The following CSMD2 variants were observed in gnomAD, a reference collection of about 807,000 sequenced individuals.
CSMD2 encodes the protein CUB and sushi domain-containing protein 2.
In CSMD2, 130 loss-of-function variants were observed where a neutral mutation model predicts 398.5. The ratio of observed to expected loss-of-function variants is 0.33; its 90% CI spans 0.28 to 0.38. The LOEUF (loss-of-function observed/expected upper bound fraction) is 0.38. CSMD2 is among the 10% of genes least tolerant of loss of function. CSMD2 has a pLI of 1.00. For synonymous variants in CSMD2, 1,828 were observed against 1,908.5 expected, an observed-to-expected ratio of 0.96 and a Z score of 1.10; for missense variants, 3,829 against 4,764.9, an observed-to-expected ratio of 0.80 and a Z score of 5.78.
intron 22 of CSMD2, among the ~76,000 whole-genome samples, chr1:33,701,417 T>C (rs924401419): frequency 1.3e-5 from 2 of 152,212 alleles, no homozygotes; most frequent in Non-Finnish European, 2.9e-5. Context: ...GGTTTCAAGG[T>C]TGCTGCTCCT....
At chr1:33,856,433 C>T (rs1639102568) in intron 5 of CSMD2, among the ~76,000 whole-genome samples, 2 of 152,222 alleles carry the variant, frequency 1.3e-5, no homozygotes, top group Admixed American at 6.5e-5. Context: ...GCCCACTTTC[C>T]ACCTGTCACT....
chr1:33,714,086 T>G (rs1646080076), intron 21 of CSMD2, among the ~76,000 whole-genome samples: 1 of 152,172 alleles, frequency 6.6e-6, no homozygotes, highest in African/African-American at 2.4e-5. Flanking sequence ...TGTCCTCCCC[T>G]GCTGAATGGA....
At chr1:33,659,157 A>G (rs1644045409) in intron 26 of CSMD2, among the ~76,000 whole-genome samples, 1 of 152,270 alleles carries the variant, frequency 6.6e-6, no homozygotes, top group East Asian at 1.9e-4. Context: ...CTTCGTGTCT[A>G]TTACCTAACC....
At chr1:33,774,914 C>T (rs902249064) in intron 12 of CSMD2, among the ~76,000 whole-genome samples, 5 of 152,154 alleles carry the variant, frequency 3.3e-5, no homozygotes, top group African/African-American at 4.8e-5. Context: ...TACTATGTGC[C>T]AGTTGCTGTG....
intron 19 of CSMD2, among the ~76,000 whole-genome samples, chr1:33,723,341 C>T (rs908193871): frequency 6.6e-6 from 1 of 152,208 alleles, no homozygotes; most frequent in South Asian, 2.1e-4. Flanking sequence ...ATCAAAACCT[C>T]TAGCCTTGGG....
chr1:33,560,412 T>A (rs1658433925), intron 53 of CSMD2, among the ~76,000 whole-genome samples: 1 of 152,210 alleles, frequency 6.6e-6, no homozygotes, highest in Non-Finnish European at 1.5e-5. Context: ...TATCCCTGCA[T>A]CCCTCTGATT....
At chr1:33,896,479 T>C (rs1642395133) in intron 5 of CSMD2, among the ~76,000 whole-genome samples, 1 of 152,152 alleles carries the variant, frequency 6.6e-6, no homozygotes, top group Non-Finnish European at 1.5e-5. Flanking sequence ...ATTTTTACCA[T>C]TGTTTTAAGA....
intron 5 of CSMD2, among the ~76,000 whole-genome samples, chr1:33,900,580 C>T (rs1275813646): frequency 6.6e-6 from 1 of 152,150 alleles, no homozygotes; most frequent in African/African-American, 2.4e-5. Flanking sequence ...AGTTCAAGAC[C>T]AGCCTGGCCA....
At chr1:33,827,041 T>G (rs1291855911) in intron 6 of CSMD2, among the ~76,000 whole-genome samples, 1 of 152,152 alleles carries the variant, frequency 6.6e-6, no homozygotes, top group Non-Finnish European at 1.5e-5. Flanking sequence ...TCCTTCCAAA[T>G]ATATCCCAAA....
chr1:33,912,979 AT>A (rs1291163925), intron 5 of CSMD2, among the ~76,000 whole-genome samples: 5 of 151,736 alleles, frequency 3.3e-5, no homozygotes, highest in African/African-American at 1.2e-4. Context: ...CATCCGTCTA[AT>A]TTTTGTATTT....
intron 25 of CSMD2, among the ~76,000 whole-genome samples, chr1:33,692,457 G>C (rs1275386195): frequency 6.6e-6 from 1 of 152,164 alleles, no homozygotes; most frequent in Admixed American, 6.5e-5. Context: ...CTTGCTAACT[G>C]TCAGAAATAA....
intron 5 of CSMD2, among the ~76,000 whole-genome samples, chr1:33,889,196 T>C (rs897776263): frequency 6.6e-6 from 1 of 152,188 alleles, no homozygotes; most frequent in Non-Finnish European, 1.5e-5. Context: ...TTTTAATACA[T>C]GTTAAAAATA....
intron 15 of CSMD2, among the ~76,000 whole-genome samples, chr1:33,729,163 G>C (rs982472836): frequency 2.0e-5 from 3 of 152,186 alleles, no homozygotes; most frequent in Admixed American, 6.5e-5. Flanking sequence ...GGGAGCTACA[G>C]ATCATGCAGT....
intron 16 of CSMD2, 61 bp downstream of exon 16, chr1:33,726,486 C>T: frequency 6.5e-7 from 1 of 1,542,722 alleles, no homozygotes; most frequent in Non-Finnish European, 8.8e-7. Flanking sequence ...GCATTCCCTC[C>T]CACGTGGCTC....
intron 5 of CSMD2, among the ~76,000 whole-genome samples, chr1:33,878,635 G>T (rs1641016557): frequency 1.3e-5 from 2 of 152,238 alleles, no homozygotes; most frequent in South Asian, 4.1e-4. Flanking sequence ...CTGTTTACCT[G>T]CTTGATGGCT....
intron 64 of CSMD2, among the ~76,000 whole-genome samples, chr1:33,527,693 G>C (rs1292783027): frequency 1.3e-5 from 2 of 152,156 alleles, no homozygotes; most frequent in African/African-American, 4.8e-5. Flanking sequence ...CAAAGTCACA[G>C]GTGCTAACAC....
At chr1:33,523,248 C>T (rs1302633137) in intron 67 of CSMD2, 59 bp downstream of exon 67, 7 of 875,898 alleles carry the variant, frequency 8.0e-6, no homozygotes, top group Non-Finnish European at 1.3e-5. Context: ...CCCTTTTGTC[C>T]TCCTCTTCCC....
intron 9 of CSMD2, among the ~76,000 whole-genome samples, chr1:33,813,493 C>T (rs1471898824): frequency 6.6e-6 from 1 of 152,136 alleles, no homozygotes; most frequent in Admixed American, 6.5e-5. Context: ...ATGAACATAT[C>T]ATTTTGTTTC....
chr1:33,788,507 C>CAAAA (rs57878978), intron 12 of CSMD2, 93 bp downstream of exon 12: 67 of 522,020 alleles, frequency 1.3e-4, no homozygotes, highest in South Asian at 1.8e-4. Flanking sequence ...GACTCCGTCT[C>CAAAA]AAAAAAAAAA....
Sources: gnomAD v4.1 joint callset for allele counts (sites outside exome capture counted in the v4.1 genomes callset) on GRCh38, gnomAD v4.1.1 for gene constraint, MANE v1.5 for transcripts, NCBI Gene and HGNC (gene_info 2026-07-23, HGNC 2026-07-21) for gene names.